Variants in MARCHF1 observed in about 807,000 individuals in gnomAD.
MARCHF1 encodes membrane associated ring-CH-type finger 1.
Under a neutral mutation model 54.2 loss-of-function variants are expected in MARCHF1, and 40 were observed. The observed-to-expected ratio is 0.74, with a 90% CI of 0.57 to 0.96. The LOEUF (loss-of-function observed/expected upper bound fraction) is 0.96. MARCHF1 is among the 40% of genes least tolerant of loss of function. MARCHF1 has a pLI of 0.00. For missense variants in MARCHF1, 586 were observed against 656.5 expected (o/e 0.89, Z 1.17); for synonymous variants, 236 against 236.3 (o/e 1.00, Z 0.01).
chr4:163,528,847 G>A lies in MARCHF1; in HGVS notation c.1539C>T (p.Asn513=), dbSNP rs1738241140. 1 of 1,613,374 alleles carries A rather than the reference G, an allele frequency of 6.2e-7. No homozygotes were observed. Among genetic ancestry groups the A allele is most frequent in the African/African-American group, 1.3e-5 (1 of 74,994 alleles). The change falls in exon 10 of 10, where the codon AAC becomes AAT. Residue 513 remains asparagine (N), a synonymous_variant. Transcript: ENST00000514618. ...KLEKNFSCNV[N]TDIKDAVVVP... ...CTACCACAGCATCTTTGATGTCTGT[G>A]TTTACATTACATGAGAAGTTCTTCT...
At chr4:163,812,142 G>T (rs1748405965) in intron 4 of MARCHF1, among the ~76,000 whole-genome samples, 1 of 151,920 alleles carries the variant, frequency 6.6e-6, no homozygotes, top group South Asian at 2.1e-4. Context: ...ATCAATATGG[G>T]CTTTCTTGGG....
intron 2 of MARCHF1, among the ~76,000 whole-genome samples, chr4:164,006,380 C>A (rs1456965300): frequency 6.6e-6 from 1 of 151,824 alleles, no homozygotes; most frequent in Non-Finnish European, 1.5e-5. Flanking sequence ...AGAAAAATAC[C>A]AGTAAGCTTG....
intron 5 of MARCHF1, among the ~76,000 whole-genome samples, chr4:163,637,751 C>T (rs925538158): frequency 4.6e-5 from 7 of 151,482 alleles, no homozygotes; most frequent in African/African-American, 1.5e-4. Flanking sequence ...GGGTATATAC[C>T]CAAAGGACTA....
At chr4:164,299,821 T>C (rs977946753) in intron 1 of MARCHF1, among the ~76,000 whole-genome samples, 14 of 152,310 alleles carry the variant, frequency 9.2e-5, no homozygotes, top group South Asian at 4.1e-4. Context: ...CAGGTAACTT[T>C]TATGTTACTT....
intron 3 of MARCHF1, among the ~76,000 whole-genome samples, chr4:163,931,082 A>T (rs1408915824): frequency 6.6e-6 from 1 of 152,098 alleles, no homozygotes; most frequent in Non-Finnish European, 1.5e-5. Flanking sequence ...AAGAAAAGAG[A>T]AATCTCTTTG....
chr4:164,164,892 C>T (rs923848338), intron 1 of MARCHF1, among the ~76,000 whole-genome samples: 1 of 151,962 alleles, frequency 6.6e-6, no homozygotes, highest in Non-Finnish European at 1.5e-5. Flanking sequence ...TAAGACCCTC[C>T]TCAATTCCTT....
rs562878693 is a variant in MARCHF1 at position 163,784,631 on chromosome 4, TATATA to T, written c.111+69385_111+69389del. Among the ~76,000 whole-genome samples the T allele has an allele frequency of 1.4e-4, 22 of 152,246 alleles. 1 individual carries two copies. In the East Asian group the frequency reaches 4.2e-3, roughly 29 times the overall value. Reference sequence around the variant, plus strand: ...ATTGATTCTACCTATGCCATTGACATATATAATATGATAATTCACTTATTGTTTGC... The same window carrying T: ...ATTGATTCTACCTATGCCATTGACATATATGATAATTCACTTATTGTTTGC... On this transcript the variant is annotated intron_variant, in intron 4 of 9. Transcript: ENST00000514618.
intron 2 of MARCHF1, among the ~76,000 whole-genome samples, chr4:164,091,225 G>A (rs1017913782): frequency 5.3e-5 from 8 of 151,888 alleles, no homozygotes; most frequent in Non-Finnish European, 8.8e-5. Context: ...TACAGAAAGT[G>A]TTGAATGATA....
chr4:164,131,695 T>C (rs2110819412), intron 1 of MARCHF1, among the ~76,000 whole-genome samples: 1 of 152,222 alleles, frequency 6.6e-6, no homozygotes, highest in Admixed American at 6.6e-5. Flanking sequence ...TGATGGCCCT[T>C]TTTGCAAACT....
At chr4:163,603,428 G>A (rs548059281) in intron 7 of MARCHF1, among the ~76,000 whole-genome samples, 1 of 152,170 alleles carries the variant, frequency 6.6e-6, no homozygotes, top group South Asian at 2.1e-4. Flanking sequence ...TGCAGTCTGT[G>A]GCTTCCATAA....
chr4:164,033,011 A>T (rs1049028021), intron 2 of MARCHF1, among the ~76,000 whole-genome samples: 2 of 152,078 alleles, frequency 1.3e-5, no homozygotes, highest in African/African-American at 4.8e-5. Flanking sequence ...CACATCTTCA[A>T]CCATCTGATC....
intron 1 of MARCHF1, among the ~76,000 whole-genome samples, chr4:164,149,608 T>G (rs918080399): frequency 6.6e-6 from 1 of 152,192 alleles, no homozygotes; most frequent in African/African-American, 2.4e-5. Context: ...GCTGGTTCCT[T>G]AGCAACAGCT....
At chr4:163,731,554 G>A (rs920945897) in intron 4 of MARCHF1, among the ~76,000 whole-genome samples, 1 of 152,200 alleles carries the variant, frequency 6.6e-6, no homozygotes, top group Non-Finnish European at 1.5e-5. Flanking sequence ...AGATAATTCT[G>A]GGAGTGTGAC....
At chr4:163,617,363 A>G (rs894967920) in intron 5 of MARCHF1, among the ~76,000 whole-genome samples, 3 of 152,162 alleles carry the variant, frequency 2.0e-5, no homozygotes, top group African/African-American at 4.8e-5. Flanking sequence ...GTATATTTTC[A>G]AAAAGCTAGA....
At chr4:163,552,832 G>A (rs1402758338) in intron 8 of MARCHF1, among the ~76,000 whole-genome samples, 1 of 152,092 alleles carries the variant, frequency 6.6e-6, no homozygotes, top group Non-Finnish European at 1.5e-5. Context: ...AGGAGATTGA[G>A]ACCATCCTGG....
Position 163,758,088 on chromosome 4 carries a change from T to C in MARCHF1, c.112-57225A>G, listed in dbSNP as rs1746730061. On this transcript the variant is annotated intron_variant, in intron 4 of 9. Coordinates refer to ENST00000514618, the MANE Select transcript of MARCHF1 (RefSeq NM_001394959.1). Reference sequence around the variant, plus strand: ...CATTTTTTAATCCAGTAGTTTCCTTTTCTACCTGTTTTCTTTTTCATTATT... The same window carrying C: ...CATTTTTTAATCCAGTAGTTTCCTTCTCTACCTGTTTTCTTTTTCATTATT... Among the ~76,000 whole-genome samples the C allele has an allele frequency of 2.0e-5, 3 of 152,360 alleles. No homozygotes were observed. The South Asian group carries it at 6.2e-4, about 32-fold the overall frequency.
At chr4:164,229,912 G>A (rs111531605) in intron 1 of MARCHF1, among the ~76,000 whole-genome samples, 17 of 152,164 alleles carry the variant, frequency 1.1e-4, no homozygotes, top group South Asian at 4.2e-4. Flanking sequence ...CAATCACCCC[G>A]CACTAAACCC....
At chr4:163,846,427 G>T (rs1749486745) in intron 4 of MARCHF1, among the ~76,000 whole-genome samples, 1 of 152,164 alleles carries the variant, frequency 6.6e-6, no homozygotes, top group South Asian at 2.1e-4. Flanking sequence ...TTTGCTGTAG[G>T]TGGATGTATG....
Position 163,527,246 on chromosome 4 carries a change from T to TAATC in MARCHF1, c.*1498_*1501dup, listed in dbSNP as rs1044550685. 11 of 152,188 alleles carry TAATC rather than the reference T, an allele frequency of 7.2e-5. No homozygotes were observed. The highest frequency in any genetic ancestry group is 2.1e-4 in the South Asian group (1 of 4,828). 9.4% of individuals were successfully genotyped at this position (152,188 alleles called of 1,614,324 possible). A position where few individuals can be genotyped will look rare whatever the true frequency, so the allele number is the denominator to read the frequency against. On this transcript the variant is annotated 3_prime_UTR_variant, in exon 10 of 10. Transcript: ENST00000514618. ...TTACATGAATATGCAAAGAACACAA[T>TAATC]AATCAACTGTCAAACCTAAACGATT...
Sources: allele counts gnomAD v4.1 joint callset (sites outside exome capture counted in the v4.1 genomes callset), GRCh38; gene constraint gnomAD v4.1.1; transcripts MANE v1.5; gene names NCBI Gene and HGNC (gene_info 2026-07-23, HGNC 2026-07-21).